The following CLSTN2 variants were observed in gnomAD, a reference collection of about 807,000 sequenced individuals.
CLSTN2 encodes calsyntenin 2.
In CLSTN2, 48 loss-of-function variants were observed where a neutral mutation model predicts 101.2. The observed-to-expected ratio is 0.47, with a 90% confidence interval of 0.38 to 0.60. The LOEUF (loss-of-function observed/expected upper bound fraction) is 0.60. Among genes scored for constraint, CLSTN2 ranks in the 20% least tolerant of loss-of-function variants. CLSTN2 has a pLI of 0.00. For missense variants in CLSTN2, 1,160 were observed against 1,238.2 expected, an observed-to-expected ratio of 0.94 and a Z score of 0.95; for synonymous variants, 481 against 463.6, an observed-to-expected ratio of 1.04 and a Z score of -0.48.
chr3:140,064,292 A>C (rs2008261222), intron 1 of CLSTN2, among the ~76,000 whole-genome samples: 1 of 152,150 alleles, frequency 6.6e-6, no homozygotes, highest in East Asian at 1.9e-4. Flanking sequence ...AAAGGTTTTG[A>C]TCTCCTTTTC....
At chr3:140,362,281 C>T (rs6777920) in intron 2 of CLSTN2, among the ~76,000 whole-genome samples, 59,216 of 151,876 alleles carry the variant, frequency 0.39, 12,826 homozygotes, top group Non-Finnish European at 0.5. Context: ...AATTTAGACC[C>T]TTACCTCACA....
intron 2 of CLSTN2, among the ~76,000 whole-genome samples, chr3:140,206,517 T>C (rs956566135): frequency 1.3e-5 from 2 of 152,134 alleles, no homozygotes; most frequent in Non-Finnish European, 1.5e-5. Context: ...TTAATACCCA[T>C]CGGCTCTTAT....
At chr3:140,135,117 C>CACACACACACACATATAT (rs1488268767) in intron 1 of CLSTN2, among the ~76,000 whole-genome samples, 1 of 58,102 alleles carries the variant, frequency 1.7e-5, no homozygotes, top group African/African-American at 8.6e-5. Flanking sequence ...CACACACACA[C>CACACACACACACATATAT]ATATATATAT....
chr3:140,112,524 C>G (rs1283835930), intron 1 of CLSTN2, among the ~76,000 whole-genome samples: 1 of 152,130 alleles, frequency 6.6e-6, no homozygotes, highest in East Asian at 1.9e-4. Context: ...GACAGCCGTG[C>G]ACCTGGACAT....
intron 2 of CLSTN2, among the ~76,000 whole-genome samples, chr3:140,271,718 T>G (rs564002748): frequency 6.6e-6 from 1 of 152,298 alleles, no homozygotes; most frequent in African/African-American, 2.4e-5. Flanking sequence ...ATGCATGAAT[T>G]TTAGAGGGAC....
At chr3:140,288,660 C>T (rs149862260) in intron 2 of CLSTN2, among the ~76,000 whole-genome samples, 1 of 152,302 alleles carries the variant, frequency 6.6e-6, no homozygotes, top group Non-Finnish European at 1.5e-5. Flanking sequence ...GCCCAGTTAG[C>T]ATCTCCTGCT....
chr3:140,229,327 A>G (rs2086351346), intron 2 of CLSTN2, among the ~76,000 whole-genome samples: 1 of 152,146 alleles, frequency 6.6e-6, no homozygotes, highest in East Asian at 1.9e-4. Context: ...GTTTATACCA[A>G]TGCTTCATTA....
At chr3:140,180,639 A>G (rs1457611298) in intron 2 of CLSTN2, among the ~76,000 whole-genome samples, 2 of 152,180 alleles carry the variant, frequency 1.3e-5, no homozygotes, top group African/African-American at 4.8e-5. Flanking sequence ...AGGGAATTAG[A>G]TTGCCTTTCA....
chr3:140,032,049 A>G (rs2007563238), intron 1 of CLSTN2, among the ~76,000 whole-genome samples: 1 of 152,200 alleles, frequency 6.6e-6, no homozygotes, highest in Non-Finnish European at 1.5e-5. Context: ...AACAAGCACA[A>G]GTAGAGGTGG....
At chr3:140,506,539 AAC>A (rs1934687131) in intron 8 of CLSTN2, 1 of 152,214 alleles carries the variant, frequency 6.6e-6, no homozygotes, top group East Asian at 1.9e-4. Flanking sequence ...GGTGCCCAGT[AAC>A]AGAGTAAGAG....
chr3:140,512,355 A>G (rs566360716), intron 8 of CLSTN2, among the ~76,000 whole-genome samples: 1 of 152,244 alleles, frequency 6.6e-6, no homozygotes, highest in Non-Finnish European at 1.5e-5. Flanking sequence ...TTCTCCCAGC[A>G]CGATTTATTA....
At chr3:140,135,105 C>CATATATATATAT (rs2009589677) in intron 1 of CLSTN2, among the ~76,000 whole-genome samples, 2 of 53,302 alleles carry the variant, frequency 3.8e-5, no homozygotes, top group African/African-American at 1.8e-4. Flanking sequence ...CACACACACA[C>CATATATATATAT]ACACACACAC....
At chr3:140,361,528 G>A (rs1394361664) in intron 2 of CLSTN2, among the ~76,000 whole-genome samples, 2 of 152,104 alleles carry the variant, frequency 1.3e-5, no homozygotes, top group East Asian at 3.8e-4. Flanking sequence ...GGATTGGAAA[G>A]GAAGAAGTAA....
At chr3:140,040,174 A>T (rs2007732300) in intron 1 of CLSTN2, among the ~76,000 whole-genome samples, 1 of 152,150 alleles carries the variant, frequency 6.6e-6, no homozygotes, top group African/African-American at 2.4e-5. Flanking sequence ...CAGTAGCTGT[A>T]CCTTTCTTTT....
At chr3:140,515,191 T>C (rs1280104658) in intron 8 of CLSTN2, among the ~76,000 whole-genome samples, 1 of 136,110 alleles carries the variant, frequency 7.3e-6, no homozygotes, top group African/African-American at 3.8e-5. Context: ...GAATGATCTT[T>C]TGTATTTCTG....
chr3:140,345,724 C>T (rs928690607), intron 2 of CLSTN2, among the ~76,000 whole-genome samples: 1 of 151,282 alleles, frequency 6.6e-6, no homozygotes, highest in Admixed American at 6.6e-5. Flanking sequence ...TGGATTTTTC[C>T]AGAGGCAAAT....
intron 1 of CLSTN2, among the ~76,000 whole-genome samples, chr3:140,159,393 ACAAG>A (rs1453260066): frequency 6.6e-6 from 1 of 152,170 alleles, no homozygotes; most frequent in African/African-American, 2.4e-5. Flanking sequence ...AAGAAGATAT[ACAAG>A]CAACCAACAA....
intron 8 of CLSTN2, among the ~76,000 whole-genome samples, chr3:140,517,673 T>C (rs540093694): frequency 1.3e-5 from 2 of 152,202 alleles, no homozygotes; most frequent in African/African-American, 4.8e-5. Flanking sequence ...ATGTGAACCG[T>C]CTTCAGTTCT....
chr3:140,432,509 C>CAG (rs2088642990), intron 5 of CLSTN2, among the ~76,000 whole-genome samples: 1 of 152,162 alleles, frequency 6.6e-6, no homozygotes, highest in South Asian at 2.1e-4. Flanking sequence ...GGGGATTGCT[C>CAG]AGATCTTCCT....
Sources: allele counts gnomAD v4.1 joint callset (sites outside exome capture counted in the v4.1 genomes callset), GRCh38; gene constraint gnomAD v4.1.1; transcripts MANE v1.5; gene names NCBI Gene and HGNC (gene_info 2026-07-23, HGNC 2026-07-21).